PCDH7: variants seen among roughly 807,000 people sequenced by gnomAD.
PCDH7 encodes the protein protocadherin-7.
Under a neutral mutation model 58.9 loss-of-function variants are expected in PCDH7, and 17 were observed. The ratio of observed to expected loss-of-function variants is 0.29; its 90% confidence interval spans 0.20 to 0.43. The LOEUF (loss-of-function observed/expected upper bound fraction) is 0.43. PCDH7 is among the 20% of genes least tolerant of loss of function. The probability of loss-of-function intolerance (pLI) is 1.00; values close to 1 mark genes in which losing one functional copy is unlikely to be tolerated. For missense variants in PCDH7, 1,274 were observed against 1,441.0 expected (o/e 0.88, Z 1.88); for synonymous variants, 664 against 616.4 (o/e 1.08, Z -1.14).
intron 3 of PCDH7, among the ~76,000 whole-genome samples, chr4:31,002,760 A>T (rs983076692): frequency 1.3e-5 from 2 of 152,210 alleles, no homozygotes; most frequent in African/African-American, 4.8e-5. Flanking sequence ...AGAATGATGC[A>T]TGTATCTGTT....
intron 3 of PCDH7, among the ~76,000 whole-genome samples, chr4:31,120,446 T>C (rs779996807): frequency 1.1e-4 from 17 of 149,432 alleles, no homozygotes; most frequent in Non-Finnish European, 2.1e-4. Context: ...TTTTTCTTTT[T>C]TTTTTTTTTT....
At chr4:30,859,526 A>T (rs1733922984) in intron 1 of PCDH7, among the ~76,000 whole-genome samples, 1 of 148,844 alleles carries the variant, frequency 6.7e-6, no homozygotes, top group Non-Finnish European at 1.5e-5. Flanking sequence ...TGCAACCTCC[A>T]CCTCCAAGAT....
intron 3 of PCDH7, among the ~76,000 whole-genome samples, chr4:31,043,442 A>G (rs1756043981): frequency 6.6e-6 from 1 of 152,066 alleles, no homozygotes; most frequent in Non-Finnish European, 1.5e-5. Flanking sequence ...CCTCCCCAGC[A>G]TCTGTTGTTT....
chr4:30,981,772 C>T (rs1212468162), intron 3 of PCDH7, among the ~76,000 whole-genome samples: 1 of 152,098 alleles, frequency 6.6e-6, no homozygotes, highest in East Asian at 1.9e-4. Flanking sequence ...TATGAAAATG[C>T]TTTGTGTTGT....
intron 1 of PCDH7, among the ~76,000 whole-genome samples, chr4:30,893,547 C>T (rs546874785): frequency 6.6e-6 from 1 of 152,194 alleles, no homozygotes; most frequent in South Asian, 2.1e-4. Context: ...AAGTTTAGCA[C>T]ATATTCAAGT....
At chr4:30,926,994 C>T (rs992508839) in intron 2 of PCDH7, among the ~76,000 whole-genome samples, 1 of 152,034 alleles carries the variant, frequency 6.6e-6, no homozygotes, top group Non-Finnish European at 1.5e-5. Context: ...GGCCGTATTA[C>T]CCTTTTATTC....
intron 1 of PCDH7, among the ~76,000 whole-genome samples, chr4:30,919,882 A>T (rs979572955): frequency 6.6e-6 from 1 of 152,156 alleles, no homozygotes; most frequent in Non-Finnish European, 1.5e-5. Context: ...TGTGGAACTA[A>T]CATATCAGAT....
chr4:30,818,712 C>A (rs938149417), intron 1 of PCDH7, among the ~76,000 whole-genome samples: 1 of 152,086 alleles, frequency 6.6e-6, no homozygotes, highest in Admixed American at 6.6e-5. Context: ...GCTTAATGAT[C>A]CCAGGAAACT....
At chr4:30,981,384 A>G (rs1210726685) in intron 3 of PCDH7, among the ~76,000 whole-genome samples, 2 of 152,142 alleles carry the variant, frequency 1.3e-5, no homozygotes, top group African/African-American at 4.8e-5. Context: ...ACCATATTTC[A>G]TATTTGGATG....
At chr4:31,005,055 C>T (rs1281241668) in intron 3 of PCDH7, among the ~76,000 whole-genome samples, 1 of 152,068 alleles carries the variant, frequency 6.6e-6, no homozygotes, top group African/African-American at 2.4e-5. Context: ...GTGAAATTTC[C>T]GAGTTTAACT....
chr4:31,075,261 G>T (rs1044499739), intron 3 of PCDH7, among the ~76,000 whole-genome samples: 19 of 151,996 alleles, frequency 1.3e-4, no homozygotes, highest in African/African-American at 4.6e-4. Context: ...TGCATGGTAC[G>T]ATACTAATTT....
intron 1 of PCDH7, among the ~76,000 whole-genome samples, chr4:30,756,877 C>T (rs1157871200): frequency 1.3e-5 from 2 of 152,166 alleles, no homozygotes; most frequent in Non-Finnish European, 2.9e-5. Context: ...TGGCCTACGC[C>T]TTAATCTCCT....
intron 3 of PCDH7, among the ~76,000 whole-genome samples, chr4:30,957,671 C>G (rs1448055695): frequency 6.6e-6 from 1 of 152,084 alleles, no homozygotes; most frequent in Non-Finnish European, 1.5e-5. Context: ...GACTTTTCTT[C>G]TTATATCTGA....
chr4:31,005,885 G>C (rs1752732719), intron 3 of PCDH7, among the ~76,000 whole-genome samples: 1 of 152,146 alleles, frequency 6.6e-6, no homozygotes, highest in East Asian at 1.9e-4. Context: ...ATACAGAGTA[G>C]TGGTTAACAG....
chr4:31,129,884 T>C (rs1319518797), intron 3 of PCDH7, among the ~76,000 whole-genome samples: 1 of 151,982 alleles, frequency 6.6e-6, no homozygotes, highest in Non-Finnish European at 1.5e-5. Flanking sequence ...CACCTCGGCC[T>C]CCCAAAGTGT....
At chr4:31,143,472 T>C (rs926212566), downstream of PCDH7, 2 of 152,168 alleles carry the variant, frequency 1.3e-5, no homozygotes, top group African/African-American at 4.8e-5. Context: ...AGAAAAACAA[T>C]ACTCAGTGGG....
Position 31,094,765 on chromosome 4 carries a change from A to G in PCDH7, c.*8-47708A>G, listed in dbSNP as rs558256184. On this transcript the variant is annotated intron_variant, in intron 3 of 3. Coordinates refer to the PCDH7 transcript ENST00000509759. ...TTTAGCTGAAGTCTGCTCTTCTGAT[A>G]CATTTCCTGCAGCCCATACACATTT... 6.6e-5 allele frequency among the ~76,000 whole-genome samples: 10 copies of G among 151,916 alleles called. No individual in the cohort carries two copies. In the South Asian group the frequency reaches 1.9e-3, roughly 28 times the overall value.
At chr4:30,765,161 A>G (rs1720589012) in intron 1 of PCDH7, among the ~76,000 whole-genome samples, 1 of 61,596 alleles carries the variant, frequency 1.6e-5, no homozygotes, top group Non-Finnish European at 4.5e-5. Context: ...TAAGAAGGAA[A>G]GGAAAGTAGC....
chr4:30,955,572 GTC>G (rs1227258706), intron 3 of PCDH7, among the ~76,000 whole-genome samples: 1 of 150,668 alleles, frequency 6.6e-6, no homozygotes, highest in Non-Finnish European at 1.5e-5. Flanking sequence ...CAGAGTCTCA[GTC>G]TCTGTCGCCC....
Sources: allele counts gnomAD v4.1 joint callset (sites outside exome capture counted in the v4.1 genomes callset), GRCh38; gene constraint gnomAD v4.1.1; transcripts MANE v1.5; gene names NCBI Gene and HGNC (gene_info 2026-07-23, HGNC 2026-07-21).